Variants in KIAA1217 observed in about 807,000 individuals in gnomAD.
KIAA1217 encodes KIAA1217.
KIAA1217 carries 88 observed loss-of-function variants against 163.9 expected under a neutral mutation model. The ratio of observed to expected loss-of-function variants is 0.54; its 90% confidence interval spans 0.45 to 0.64. The LOEUF (loss-of-function observed/expected upper bound fraction) is 0.64. Ranked by LOEUF, KIAA1217 falls within the 30% of genes least tolerant of loss-of-function variation. The pLI, the probability that KIAA1217 is intolerant of heterozygous loss-of-function variation, is 0.00. For synonymous variants in KIAA1217, 903 were observed against 923.1 expected, an observed-to-expected ratio of 0.98 and a Z score of 0.39; for missense variants, 2,372 against 2,475.0, an observed-to-expected ratio of 0.96 and a Z score of 0.88.
chr10:24,250,439 CT>C (rs11430837), intron 2 of KIAA1217, among the ~76,000 whole-genome samples: 9 of 144,170 alleles, frequency 6.2e-5, no homozygotes, highest in Admixed American at 7.0e-5. Context: ...ACATTTGGCA[CT>C]TTTTTTTTTT....
chr10:24,144,410 T>A (rs1311714093), intron 2 of KIAA1217, among the ~76,000 whole-genome samples: 1 of 152,224 alleles, frequency 6.6e-6, no homozygotes, highest in Non-Finnish European at 1.5e-5. Context: ...AAGGGATACA[T>A]GTTTTAAAAT....
intron 2 of KIAA1217, among the ~76,000 whole-genome samples, chr10:24,287,207 G>A (rs775699508): frequency 1.3e-5 from 2 of 152,044 alleles, no homozygotes; most frequent in Non-Finnish European, 2.9e-5. Context: ...TGCGCCACAC[G>A]CCGAGCTAAT....
rs540420459 is a variant in KIAA1217 at position 23,728,185 on chromosome 10, T to C, written c.-321+32951T>C. On this transcript the variant is annotated intron_variant, in intron 1 of 18. Coordinates refer to the KIAA1217 transcript ENST00000376462. ...AATCCTTTGGGTATATACCCAGTAATGGGATTGGTGGCTCAAATGGTATTT... is the reference window on the plus strand; with the variant it reads ...AATCCTTTGGGTATATACCCAGTAACGGGATTGGTGGCTCAAATGGTATTT... Among the ~76,000 whole-genome samples, 4 of 152,338 alleles carry C rather than the reference T, an allele frequency of 2.6e-5. No individual in the cohort carries two copies. In the East Asian group the frequency reaches 7.7e-4, roughly 29 times the overall value.
chr10:24,432,347 A>T (rs79276226), intron 3 of KIAA1217, among the ~76,000 whole-genome samples: 1 of 151,466 alleles, frequency 6.6e-6, no homozygotes, highest in East Asian at 2.0e-4. Flanking sequence ...GAAACTCTTG[A>T]CCTTAAGTGA....
chr10:23,712,628 C>G (rs1402271540), intron 1 of KIAA1217, among the ~76,000 whole-genome samples: 1 of 151,730 alleles, frequency 6.6e-6, no homozygotes, highest in Non-Finnish European at 1.5e-5. Flanking sequence ...TAATTTAAGC[C>G]AAATTAATAT....
In KIAA1217 at chr10:23,695,749, G is replaced by C. The variant is rs533953818; in HGVS notation, c.-321+515G>C. Among the ~76,000 whole-genome samples, 5 of 152,334 alleles carry C rather than the reference G, an allele frequency of 3.3e-5. No homozygotes were observed. The South Asian group carries it at 1.0e-3, about 32-fold the overall frequency. The stretch of plus-strand genomic sequence containing the variant: ...GGACACTGGGGAGTTTGGAGCTGGG[G>C]GTTCGGAGTGGGAGGTTTGGGTCTT... On this transcript the variant is annotated intron_variant, in intron 1 of 18. Transcript: ENST00000376462. This position sits in a 1 kb window ranked among gnomAD's most constrained non-coding sequence, Gnocchi z 4.9.
At chr10:24,252,997 T>TA (rs11287032) in intron 2 of KIAA1217, among the ~76,000 whole-genome samples, 140 of 144,140 alleles carry the variant, frequency 9.7e-4, no homozygotes, top group South Asian at 2.9e-3. Context: ...TACAAATAAT[T>TA]AAAAAAAAAA....
intron 2 of KIAA1217, among the ~76,000 whole-genome samples, chr10:24,118,706 C>CA (rs2063159434): frequency 6.9e-6 from 1 of 144,710 alleles, no homozygotes. Context: ...CCTGGATTTG[C>CA]TTTTTTTTTT....
chr10:24,144,668 A>C (rs2064228189), intron 2 of KIAA1217, among the ~76,000 whole-genome samples: 1 of 152,210 alleles, frequency 6.6e-6, no homozygotes, highest in Non-Finnish European at 1.5e-5. Context: ...ACGTGTCTAA[A>C]ACATGCCTTT....
chr10:24,528,181 C>A (rs79576236), intron 14 of KIAA1217, 62 bp downstream of exon 14: 1 of 1,370,748 alleles, frequency 7.3e-7, no homozygotes, highest in Non-Finnish European at 1.0e-6. Flanking sequence ...AATACAGTGC[C>A]ATCCACGACA....
chr10:23,803,153 G>C (rs529867706), intron 1 of KIAA1217, among the ~76,000 whole-genome samples: 1 of 152,174 alleles, frequency 6.6e-6, no homozygotes, highest in African/African-American at 2.4e-5. Context: ...GTCCTAAGAA[G>C]TCAGATAGAA....
At chr10:24,229,603 C>T (rs74627038) in intron 2 of KIAA1217, among the ~76,000 whole-genome samples, 36,641 of 152,030 alleles carry the variant, frequency 0.24, 5,202 homozygotes, top group East Asian at 0.37. Context: ...CTGCAACCTC[C>T]GCCTCCCGGG....
rs1394674646 is a variant in KIAA1217 at position 24,088,857 on chromosome 10, G to A, written c.-171+81483G>A. 1.0e-4 allele frequency among the ~76,000 whole-genome samples: 13 copies of A among 124,624 alleles called. 1 individual carries two copies. The highest frequency in any genetic ancestry group is 3.3e-4 in the African/African-American group (13 of 39,774). The allele number at this position is 124,624 out of a possible 152,430, so 81.8% of individuals were successfully genotyped here. On this transcript the variant is annotated intron_variant, in intron 2 of 18. Coordinates refer to the KIAA1217 transcript ENST00000376462. ...ATGGTATTTCCAGTTCTAGATCCCT[G>A]AGGAATCGCCACACTGACTTCCACA...
chr10:23,945,327 C>G (rs796404795), intron 1 of KIAA1217, among the ~76,000 whole-genome samples: 1 of 152,200 alleles, frequency 6.6e-6, no homozygotes, highest in African/African-American at 2.4e-5. Context: ...CCTGCAACCA[C>G]GTGGATGAAT....
rs530299677 is a variant in KIAA1217 at position 24,008,342 on chromosome 10, G to A, written c.-171+968G>A. The stretch of plus-strand genomic sequence containing the variant: ...ATGGTCAGAGAATCATTGTCAGGAA[G>A]CATTAAACTTAGCTTCCTCAATGTC... On this transcript the variant is annotated intron_variant, in intron 2 of 18. Coordinates refer to the KIAA1217 transcript ENST00000376462. 4.6e-5 allele frequency among the ~76,000 whole-genome samples: 7 copies of A among 152,104 alleles called. No individual in the cohort carries two copies. The South Asian group carries it at 6.2e-4, about 14-fold the overall frequency.
At chr10:24,488,456 A>G (rs1329409799) in intron 6 of KIAA1217, among the ~76,000 whole-genome samples, 1 of 152,188 alleles carries the variant, frequency 6.6e-6, no homozygotes, top group East Asian at 1.9e-4. Flanking sequence ...TGCTCATGCC[A>G]TAAGCACAGG....
intron 8 of KIAA1217, among the ~76,000 whole-genome samples, chr10:24,497,603 C>T (rs1269310250): frequency 6.6e-6 from 1 of 151,776 alleles, no homozygotes; most frequent in Non-Finnish European, 1.5e-5. Context: ...GTTTGTAGTC[C>T]CACATACTTG....
chr10:24,497,929 A>G (rs914776784), intron 8 of KIAA1217, among the ~76,000 whole-genome samples: 1 of 152,148 alleles, frequency 6.6e-6, no homozygotes, highest in East Asian at 1.9e-4. Context: ...CTTCTCCACT[A>G]TACAATTCAT....
intron 2 of KIAA1217, among the ~76,000 whole-genome samples, chr10:24,347,813 C>T (rs2047977282): frequency 6.6e-6 from 1 of 152,028 alleles, no homozygotes; most frequent in African/African-American, 2.4e-5. Flanking sequence ...ATAAAAAATG[C>T]ATATATTTAA....
Sources: gnomAD v4.1 joint callset for allele counts (sites outside exome capture counted in the v4.1 genomes callset) on GRCh38, gnomAD v4.1.1 for gene constraint, Gnocchi (gnomAD v3.1) non-coding constraint, MANE v1.5 for transcripts, NCBI Gene and HGNC (gene_info 2026-07-23, HGNC 2026-07-21) for gene names.